Variants in USP7 observed in about 807,000 individuals in gnomAD.
USP7 encodes the protein ubiquitin C-terminal hydrolase 7.
USP7 carries 9 observed loss-of-function variants against 162.9 expected under a neutral mutation model. The ratio of observed to expected loss-of-function variants is 0.06; its 90% confidence interval spans 0.03 to 0.10. The LOEUF is 0.10. Among genes scored for constraint, USP7 ranks in the 10% least tolerant of loss-of-function variants. The probability of loss-of-function intolerance (pLI) is 1.00; values close to 1 mark genes in which losing one functional copy is unlikely to be tolerated. For synonymous variants in USP7, 562 were observed against 475.9 expected, an observed-to-expected ratio of 1.18 and a Z score of -2.35; for missense variants, 715 against 1,373.7, an observed-to-expected ratio of 0.52 and a Z score of 7.58.
Position 8,897,091 on chromosome 16 carries a change from T to C in USP7, c.2727A>G (p.Thr909=). The stretch of plus-strand genomic sequence containing the variant: ...CACACCCATGCTTGTCTGGATATAG[T>C]GTTATTTCCTAAGTAATGAAAAGAT... ...LNSQFREEEI[T]LYPDKHGCVR... is the part of the protein sequence containing the mutation. Residue 909 remains threonine, a synonymous_variant, in exon 26 of 31, where the codon ACA becomes ACG. Transcript: ENST00000344836. The C allele has an allele frequency of 6.2e-7, 1 of 1,610,946 alleles. No homozygotes were observed.
chr16:8,926,350 A>G (rs1231396313), intron 2 of USP7, among the ~76,000 whole-genome samples: 2 of 149,752 alleles, frequency 1.3e-5, no homozygotes, highest in Non-Finnish European at 3.0e-5. Flanking sequence ...GTGGTGGTGC[A>G]CGCCTGTAAT....
At chr16:8,942,818 G>A (rs775623154) in intron 1 of USP7, among the ~76,000 whole-genome samples, 1 of 152,126 alleles carries the variant, frequency 6.6e-6, no homozygotes, top group African/African-American at 2.4e-5. Flanking sequence ...AAAGTGTTGG[G>A]GTTACAGACA....
At chr16:8,915,065 G>T (rs2062008014) in intron 10 of USP7, among the ~76,000 whole-genome samples, 189 bp downstream of exon 10, 2 of 152,176 alleles carry the variant, frequency 1.3e-5, no homozygotes, top group African/African-American at 4.8e-5. Flanking sequence ...AAGGGCTGTG[G>T]GAGTGCTGGC....
Position 8,920,544 on chromosome 16 carries a change from A to G in USP7, c.523-97T>C, listed in dbSNP as rs1897628955. The G allele has an allele frequency of 3.0e-6, 3 of 1,003,386 alleles. No individual in the cohort carries two copies. In the South Asian group the frequency reaches 5.3e-5, roughly 18 times the overall value. 62.2% of individuals were successfully genotyped at this position (1,003,386 alleles called of 1,614,324 possible). On this transcript the variant is annotated intron_variant, in intron 4 of 30. Transcript: ENST00000344836. ...TAGTGCCCTGTACTTAATAGAGATG[A>G]AAATACTTTTTTTTTAAATACATCC...
Position 8,908,388 on chromosome 16 carries a change from T to C in USP7, c.1224A>G (p.Arg408=), listed in dbSNP as rs763125309. 5.0e-6 allele frequency: 8 copies of C among 1,614,078 alleles called. No homozygotes were observed. The highest frequency in any genetic ancestry group is 6.8e-6 in the Non-Finnish European group (8 of 1,180,010). ...GGTCCGTCTGAGGGTCATACATAAATCTCATCAGTTGTAGATGTAACACTG... is the reference window on the plus strand; with the variant it reads ...GGTCCGTCTGAGGGTCATACATAAACCTCATCAGTTGTAGATGTAACACTG... The part of the protein sequence containing the change: ...LPPVLHLQLM[R]FMYDPQTDQN... The change falls in exon 12 of 31, where the codon AGA becomes AGG. Residue 408 remains arginine (R), a synonymous_variant. Coordinates refer to ENST00000344836, the MANE Select transcript of USP7 (RefSeq NM_003470.3).
chr16:8,896,295 G>A (rs972640833), intron 26 of USP7, among the ~76,000 whole-genome samples: 31 of 152,054 alleles, frequency 2.0e-4, no homozygotes, highest in Admixed American at 6.6e-5. Context: ...GTACAGACTG[G>A]GCCTCCGAAA....
At chr16:8,894,146 C>A (rs1325230210) in intron 30 of USP7, 42 bp from the exon 31 acceptor site, 1 of 1,572,672 alleles carries the variant, frequency 6.4e-7, no homozygotes, top group East Asian at 2.2e-5. Context: ...ACAGAGCAGC[C>A]CTGGAACCCC....
At chr16:8,901,448 A>G (rs1338536871) in intron 18 of USP7, among the ~76,000 whole-genome samples, 2 of 152,216 alleles carry the variant, frequency 1.3e-5, no homozygotes, top group Non-Finnish European at 2.9e-5. Flanking sequence ...TCCAAACATC[A>G]GACCCATGGA....
At chr16:8,962,522 G>C (rs892781709) in intron 1 of USP7, 2 of 449,130 alleles carry the variant, frequency 4.5e-6, no homozygotes, top group African/African-American at 4.0e-5. Context: ...TGTGCGGCAG[G>C]GCTTTCGCAC....
At chr16:8,959,973 A>C (rs1036801771) in intron 1 of USP7, among the ~76,000 whole-genome samples, 1 of 152,230 alleles carries the variant, frequency 6.6e-6, no homozygotes, top group Admixed American at 6.5e-5. Context: ...TGGGCAGAAG[A>C]ACCACACCAG....
chr16:8,910,690 T>G, intron 11 of USP7, 55 bp downstream of exon 11: 2 of 1,506,048 alleles, frequency 1.3e-6, no homozygotes, highest in Non-Finnish European at 1.8e-6. Flanking sequence ...ATTAAAAGAA[T>G]TGAAAATAAA....
At chr16:8,916,969 TAAA>T (rs34357840) in intron 7 of USP7, 54 bp downstream of exon 7, 4,213 of 1,288,142 alleles carry the variant, frequency 3.3e-3, no homozygotes, top group South Asian at 8.6e-3. Flanking sequence ...TCACTTGTCC[TAAA>T]AAAAAAAAAA....
In USP7 at chr16:8,902,413, T is replaced by C. The variant is rs1490684867; in HGVS notation, c.1909A>G (p.Met637Val). The C allele has an allele frequency of 5.6e-6, 9 of 1,614,042 alleles. No individual in the cohort carries two copies. Among genetic ancestry groups the C allele is most frequent in the Middle Eastern group, 1.6e-4 (1 of 6,082 alleles). ...ARSNGTKRPA[M>V]LDNEADGNKT... Reference sequence around the variant, plus strand: ...TTGCCGTCGGCTTCATTATCTAACATTGCTGGTCGTTTTGTTCCATTACTC... The same window carrying C: ...TTGCCGTCGGCTTCATTATCTAACACTGCTGGTCGTTTTGTTCCATTACTC... The change falls in exon 17 of 31, where the codon ATG becomes GTG. Residue 637 changes from methionine (M) to valine (V), a missense_variant. Around this residue, in one of 11 missense-constraint regions of USP7, gnomAD observed 197 missense variants for 306.5 expected, o/e 0.64. Transcript: ENST00000344836.
chr16:8,910,909 G>C, intron 10 of USP7, 82 bp from the exon 11 acceptor site: 3 of 1,156,564 alleles, frequency 2.6e-6, no homozygotes, highest in African/African-American at 3.0e-5. Context: ...ATTTAAATCA[G>C]CATATTTAGG....
intron 7 of USP7, 54 bp downstream of exon 7, chr16:8,916,972 A>G: frequency 8.6e-7 from 1 of 1,167,970 alleles, no homozygotes. Flanking sequence ...CTTGTCCTAA[A>G]AAAAAAAAAA....
chr16:8,895,709 C>G lies in USP7; in HGVS notation c.2852G>C (p.Gly951Ala), dbSNP rs777990074. The G allele has an allele frequency of 6.2e-7, 1 of 1,612,220 alleles. No homozygotes were observed. ...LLEIVSYKII[G>A]VHQEDELLEC... ...TAATAGTTCATCTTCTTGATGAACA[C>G]CAATGATTTTGTAGCTTACAATTTC... Residue 951 changes from glycine to alanine, a missense_variant, in exon 27 of 31, where the codon GGT becomes GCT. Gly to Ala is a moderately conservative substitution (Grantham distance 60, BLOSUM62 0). Around this residue, in one of 11 missense-constraint regions of USP7, gnomAD observed 222 missense variants for 441.7 expected, o/e 0.50. Coordinates refer to ENST00000344836, the MANE Select transcript of USP7 (RefSeq NM_003470.3).
intron 30 of USP7, 101 bp from the exon 31 acceptor site, chr16:8,894,205 G>A (rs1044553785): frequency 1.6e-4 from 175 of 1,121,200 alleles, no homozygotes; most frequent in Non-Finnish European, 2.3e-5. Flanking sequence ...GCTCCCCAAG[G>A]GGTAAGTTCG....
chr16:8,918,970 T>A (rs1218107826), intron 6 of USP7, 61 bp downstream of exon 6: 18 of 1,560,234 alleles, frequency 1.2e-5, no homozygotes, highest in Middle Eastern at 4.5e-4. Context: ...GACTTTGCTC[T>A]GATATACCTG....
Position 8,894,554 on chromosome 16 carries a change from C to T in USP7, c.3198G>A (p.Gln1066=), listed in dbSNP as rs765299616. ...YEVNLKDFEP[Q]PGNMSHPRPW... ...CGGGGGGGGGAGAACCCTTACCGGG[C>T]TGTGGCTCAAAGTCTTTCAAATTTA... The change falls in exon 30 of 31, where the codon CAG becomes CAA. Residue 1066 remains glutamine (Q), a synonymous_variant. Coordinates refer to ENST00000344836, the MANE Select transcript of USP7 (RefSeq NM_003470.3). 9.3e-6 allele frequency: 15 copies of T among 1,611,812 alleles called. No homozygotes were observed. The South Asian group carries it at 1.6e-4, about 18-fold the overall frequency.
Sources: allele counts gnomAD v4.1 joint callset (sites outside exome capture counted in the v4.1 genomes callset), GRCh38; gene constraint gnomAD v4.1.1; regional missense constraint gnomAD v4.1.1; transcripts MANE v1.5; gene names NCBI Gene and HGNC (gene_info 2026-07-23, HGNC 2026-07-21).